The following NUP210L variants were observed in gnomAD, a reference collection of about 807,000 sequenced individuals.
NUP210L encodes nuclear pore membrane glycoprotein 210-like.
A neutral mutation model predicts 208.5 loss-of-function variants in NUP210L; 74 were observed. That is an observed-to-expected ratio of 0.35 (90% confidence interval 0.29 to 0.43). The LOEUF is 0.43. NUP210L is among the 20% of genes least tolerant of loss of function. The pLI is 1.00. For missense variants in NUP210L, 1,843 were observed against 2,289.4 expected, an observed-to-expected ratio of 0.81 and a Z score of 3.98; for synonymous variants, 780 against 816.9, an observed-to-expected ratio of 0.95 and a Z score of 0.77.
intron 5 of NUP210L, 22 bp downstream of exon 5, chr1:154,139,780 T>G: frequency 1.2e-6 from 2 of 1,604,886 alleles, no homozygotes; most frequent in Non-Finnish European, 1.7e-6. Flanking sequence ...TAAGGAAAAT[T>G]TATAGCACAC....
chr1:154,030,049 A>G, exon 28 of NUP210L: 3 of 1,584,806 alleles, frequency 1.9e-6, no homozygotes, highest in Non-Finnish European at 2.6e-6. Flanking sequence ...GGAGCTGTAG[A>G]AAAACCTAGA....
intron 12 of NUP210L, among the ~76,000 whole-genome samples, chr1:154,105,110 A>G (rs553621816): frequency 1.1e-3 from 170 of 152,312 alleles, no homozygotes; most frequent in African/African-American, 4.0e-3. Context: ...AAACATTTCT[A>G]TACACACCCT....
At chr1:154,112,634 T>C (rs1657097755) in intron 12 of NUP210L, among the ~76,000 whole-genome samples, 1 of 151,978 alleles carries the variant, frequency 6.6e-6, no homozygotes, top group Non-Finnish European at 1.5e-5. Context: ...GGCGGGAAGA[T>C]CGCTTGAGCC....
At chr1:154,067,247 G>C (rs1654467695) in intron 17 of NUP210L, among the ~76,000 whole-genome samples, 2 of 152,060 alleles carry the variant, frequency 1.3e-5, no homozygotes, top group South Asian at 4.2e-4. Flanking sequence ...TATCCACCAA[G>C]ATCAAGTTGG....
At chr1:154,062,567 C>CTTTTTTTTTTTTTTTTTTTTTTTTTT in intron 17 of NUP210L, among the ~76,000 whole-genome samples, 1 of 74,974 alleles carries the variant, frequency 1.3e-5, no homozygotes, top group Non-Finnish European at 2.3e-5. Context: ...TTTCTTTTTC[C>CTTTTTTTTTTTTTTTTTTTTTTTTTT]TTTTTTTTTT....
At chr1:154,017,519 C>CTTTCT (rs1553222231) in intron 33 of NUP210L, among the ~76,000 whole-genome samples, 1 of 127,982 alleles carries the variant, frequency 7.8e-6, no homozygotes, top group Non-Finnish European at 1.6e-5. Context: ...TTCTTTCTTT[C>CTTTCT]TTTTTTTTTT....
exon 33 of NUP210L, chr1:154,019,016 C>A: frequency 1.9e-6 from 3 of 1,614,132 alleles, no homozygotes; most frequent in Non-Finnish European, 2.5e-6. Context: ...ACTCCAGTGA[C>A]AATGTCTGTC....
rs1025214261 is a variant in NUP210L, at chr1:154,111,038, C to T, written c.1620+6687G>A. ...TGAAAAGATAAACAAAATCGACAAA[C>T]CTTTAGCCAGACTAAAAAAAAAAAA... On this transcript the variant is annotated intron_variant, in intron 12 of 39. Transcript: ENST00000368559. Among the ~76,000 whole-genome samples, 8 of 150,254 alleles carry T rather than the reference C, an allele frequency of 5.3e-5. No individual in the cohort carries two copies. In the East Asian group the frequency reaches 9.7e-4, roughly 18 times the overall value.
intron 12 of NUP210L, among the ~76,000 whole-genome samples, chr1:154,109,244 T>C (rs914153301): frequency 3.3e-5 from 5 of 151,568 alleles, no homozygotes; most frequent in African/African-American, 1.2e-4. Context: ...AGAATAGCTA[T>C]GCTTATATCA....
At chr1:154,108,992 C>T (rs1421978569) in intron 12 of NUP210L, among the ~76,000 whole-genome samples, 4 of 151,568 alleles carry the variant, frequency 2.6e-5, no homozygotes, top group African/African-American at 4.9e-5. Flanking sequence ...CCCAGCTACT[C>T]GGGAGGCTGA....
chr1:154,036,519 C>T (rs1370032696), intron 27 of NUP210L, among the ~76,000 whole-genome samples: 2 of 149,588 alleles, frequency 1.3e-5, no homozygotes, highest in African/African-American at 2.5e-5. Flanking sequence ...TGCCCACCAC[C>T]GTGCCCAGCT....
At chr1:154,073,332 C>G (rs1654860086) in intron 16 of NUP210L, among the ~76,000 whole-genome samples, 1 of 151,898 alleles carries the variant, frequency 6.6e-6, no homozygotes, top group Non-Finnish European at 1.5e-5. Context: ...CCCACCTCGG[C>G]CTCCCAAAGT....
intron 2 of NUP210L, among the ~76,000 whole-genome samples, chr1:154,144,632 T>G (rs1416886466): frequency 6.6e-6 from 1 of 152,240 alleles, no homozygotes; most frequent in Non-Finnish European, 1.5e-5. Context: ...ACATTTGCCA[T>G]GTATTTGAGA....
chr1:154,141,663 T>C, intron 3 of NUP210L, 139 bp from the exon 4 acceptor site: 1 of 604,412 alleles, frequency 1.7e-6, no homozygotes, highest in Non-Finnish European at 3.0e-6. Flanking sequence ...CTATCATTAA[T>C]GAATTAAAAC....
At chr1:154,035,691 CT>C (rs908499732) in intron 27 of NUP210L, among the ~76,000 whole-genome samples, 14 of 151,086 alleles carry the variant, frequency 9.3e-5, no homozygotes, top group African/African-American at 3.4e-4. Flanking sequence ...CCGGCCTCTA[CT>C]TTTTTTTGAT....
rs549466222 is a variant in NUP210L at position 154,124,308 on chromosome 1, G to A, written c.1326+2015C>T. 2.6e-5 allele frequency among the ~76,000 whole-genome samples: 4 copies of A among 152,198 alleles called. No homozygotes were observed. The East Asian group carries it at 7.7e-4, about 29-fold the overall frequency. ...ATAATGTATTGAATACAGAAGCTGA[G>A]GGAGAAGGCAGAGTCAAGGGTGACT... On this transcript the variant is annotated intron_variant, in intron 10 of 39. Transcript: ENST00000368559.
chr1:154,130,269 G>A (rs1323567126), intron 7 of NUP210L, among the ~76,000 whole-genome samples: 1 of 152,016 alleles, frequency 6.6e-6, no homozygotes, highest in African/African-American at 2.4e-5. Context: ...AACCCAGGAG[G>A]CAGAGGTTGC....
exon 5 of NUP210L, chr1:154,139,827 A>G (rs1254829577): frequency 3.1e-6 from 5 of 1,612,606 alleles, no homozygotes; most frequent in Non-Finnish European, 4.2e-6. Context: ...ATGAATTCGA[A>G]CTTTTACAAC....
At chr1:154,039,880 G>A (rs1010791542) in intron 27 of NUP210L, 1 of 152,094 alleles carries the variant, frequency 6.6e-6, no homozygotes, top group African/African-American at 2.4e-5. Context: ...TTATCCCTTT[G>A]AATAAACTTT....
Sources: gnomAD v4.1 joint callset for allele counts (sites outside exome capture counted in the v4.1 genomes callset) on GRCh38, gnomAD v4.1.1 for gene constraint, MANE v1.5 for transcripts, NCBI Gene and HGNC (gene_info 2026-07-23, HGNC 2026-07-21) for gene names.